The following FRK variants were observed in gnomAD, a reference collection of about 807,000 sequenced individuals.
FRK encodes tyrosine-protein kinase FRK.
A neutral mutation model predicts 56.4 loss-of-function variants in FRK; 51 were observed. The observed-to-expected ratio is 0.90, with a 90% CI of 0.72 to 1.14. The LOEUF (loss-of-function observed/expected upper bound fraction) is 1.14. FRK is among the 50% of genes most tolerant of loss of function. The pLI, the probability that FRK is intolerant of heterozygous loss-of-function variation, is 0.00. For synonymous variants in FRK, 245 were observed against 217.9 expected, an observed-to-expected ratio of 1.12 and a Z score of -1.10; for missense variants, 570 against 601.4, an observed-to-expected ratio of 0.95 and a Z score of 0.55.
intron 2 of FRK, among the ~76,000 whole-genome samples, chr6:115,969,845 A>G (rs1409223482): frequency 1.3e-5 from 2 of 152,198 alleles, no homozygotes; most frequent in Admixed American, 1.3e-4. Context: ...CTTTTCAGCT[A>G]CAAGAGTCAA....
chr6:115,937,013 A>G lies in FRK; in HGVS notation c.*5401T>C, dbSNP rs562343219. The G allele has an allele frequency of 1.3e-5, 2 of 152,274 alleles. No homozygotes were observed. Among genetic ancestry groups the G allele is most frequent in the African/African-American group, 4.8e-5 (2 of 41,572 alleles). 9.4% of individuals were successfully genotyped at this position (152,274 alleles called of 1,614,324 possible). A position where few individuals can be genotyped will look rare whatever the true frequency, so the allele number is the denominator to read the frequency against. On this transcript the variant is annotated 3_prime_UTR_variant, in exon 8 of 8. Coordinates refer to ENST00000606080, the MANE Select transcript of FRK (RefSeq NM_002031.3). ...ACTCCTCGAGCAGAGCAACCCCAAG[A>G]CATATAATCGTCATATTCACCAAGG...
chr6:116,020,529 A>T (rs1038298856), intron 1 of FRK, among the ~76,000 whole-genome samples: 2 of 152,154 alleles, frequency 1.3e-5, no homozygotes. Flanking sequence ...ACCTCAGGTG[A>T]TCCACCCACC....
rs1772026053 is a variant in FRK, at chr6:115,935,360, A to G, written c.*7054T>C. On this transcript the variant is annotated 3_prime_UTR_variant, in exon 8 of 8. Transcript: ENST00000606080. ...TGGTCTTTGAAACCTGCAGACCAGG[A>G]GATTCCCTCCGGTGCCTACGCCACT... 1 of 152,556 alleles carries G rather than the reference A, an allele frequency of 6.6e-6. No individual in the cohort carries two copies. Among genetic ancestry groups the G allele is most frequent in the African/African-American group, 2.4e-5 (1 of 41,484 alleles). The allele number at this position is 152,556 out of a possible 1,614,324, so 9.5% of individuals were successfully genotyped here.
At chr6:116,033,630 G>A (rs1776372494) in intron 1 of FRK, among the ~76,000 whole-genome samples, 1 of 152,122 alleles carries the variant, frequency 6.6e-6, no homozygotes, top group South Asian at 2.1e-4. Flanking sequence ...AAAGAAATGA[G>A]GAATTAAGTC....
intron 2 of FRK, among the ~76,000 whole-genome samples, chr6:115,984,645 G>A (rs1299917741): frequency 6.6e-6 from 1 of 151,342 alleles, no homozygotes; most frequent in Admixed American, 6.6e-5. Context: ...CATGAGTTTT[G>A]ATGTTTATTC....
At position 115,997,382 on chromosome 6, in the gene FRK, G is replaced by A. The variant is rs143370940; in HGVS notation, c.466+6495C>T. Among the ~76,000 whole-genome samples the A allele has an allele frequency of 2.9e-3, 442 of 151,856 alleles. 5 individuals are homozygous for A. Among genetic ancestry groups the A allele is most frequent in the East Asian group, 0.02 (104 of 5,154 alleles). On this transcript the variant is annotated intron_variant, in intron 2 of 7. Coordinates refer to ENST00000606080, the MANE Select transcript of FRK (RefSeq NM_002031.3). Reference sequence around the variant, plus strand: ...CATGGGAACTCCAAGTTCACTGTGAGGAAATTTTATCATAGAAAGTACTCT... The same window carrying A: ...CATGGGAACTCCAAGTTCACTGTGAAGAAATTTTATCATAGAAAGTACTCT...
At chr6:116,001,107 A>G (rs1487892051) in intron 2 of FRK, among the ~76,000 whole-genome samples, 6 of 152,082 alleles carry the variant, frequency 3.9e-5, no homozygotes, top group Non-Finnish European at 8.8e-5. Flanking sequence ...ATGTGGTGGC[A>G]CATGCCTGTA....
chr6:116,012,875 C>T (rs1775523773), intron 1 of FRK, among the ~76,000 whole-genome samples: 1 of 152,092 alleles, frequency 6.6e-6, no homozygotes, highest in African/African-American at 2.4e-5. Flanking sequence ...TCTCTCTTTT[C>T]CCCCAAAGAG....
chr6:116,050,715 T>C (rs1175658501), intron 1 of FRK, among the ~76,000 whole-genome samples: 1 of 152,210 alleles, frequency 6.6e-6, no homozygotes, highest in Non-Finnish European at 1.5e-5. Flanking sequence ...GTCTTATTAA[T>C]TTTCATATCT....
chr6:115,960,302 G>C (rs199894430), intron 4 of FRK, among the ~76,000 whole-genome samples: 23 of 150,578 alleles, frequency 1.5e-4, no homozygotes, highest in Non-Finnish European at 7.4e-5. Context: ...CTGGAAAATC[G>C]GGTCACTCCC....
chr6:116,053,689 C>A (rs986615078), intron 1 of FRK, among the ~76,000 whole-genome samples: 3 of 152,094 alleles, frequency 2.0e-5, no homozygotes, highest in African/African-American at 7.2e-5. Context: ...TTATTTCACT[C>A]ACATAAGATT....
At chr6:115,949,260 T>C (rs1226912839) in intron 5 of FRK, among the ~76,000 whole-genome samples, 1 of 80,778 alleles carries the variant, frequency 1.2e-5, no homozygotes, top group Non-Finnish European at 2.6e-5. Context: ...TCTCTTCCTA[T>C]TTGAATACCT....
At chr6:116,020,634 A>AT (rs1775842513) in intron 1 of FRK, among the ~76,000 whole-genome samples, 1 of 151,984 alleles carries the variant, frequency 6.6e-6, no homozygotes, top group Non-Finnish European at 1.5e-5. Context: ...ATTTTGTATC[A>AT]TTTTTCCTTA....
intron 1 of FRK, among the ~76,000 whole-genome samples, chr6:116,023,119 C>A (rs1163084001): frequency 6.6e-6 from 1 of 152,106 alleles, no homozygotes; most frequent in East Asian, 1.9e-4. Flanking sequence ...CAATTCATAA[C>A]AAATAGAATA....
chr6:116,008,443 A>G (rs1775336289), intron 1 of FRK, among the ~76,000 whole-genome samples: 1 of 152,226 alleles, frequency 6.6e-6, no homozygotes, highest in Non-Finnish European at 1.5e-5. Context: ...AGCTCTGATC[A>G]GGAAGTGAAG....
intron 1 of FRK, among the ~76,000 whole-genome samples, chr6:116,048,512 G>A (rs1195417936): frequency 6.6e-6 from 1 of 152,112 alleles, no homozygotes; most frequent in Non-Finnish European, 1.5e-5. Context: ...AGCCTCCTGA[G>A]TAGCTGGGAT....
At chr6:115,975,186 G>C (rs1219019984) in intron 2 of FRK, among the ~76,000 whole-genome samples, 1 of 152,048 alleles carries the variant, frequency 6.6e-6, no homozygotes, top group Non-Finnish European at 1.5e-5. Flanking sequence ...CACTACTAGA[G>C]AATAGTCATT....
At chr6:116,045,290 A>G (rs1186207919) in intron 1 of FRK, among the ~76,000 whole-genome samples, 3 of 152,220 alleles carry the variant, frequency 2.0e-5, no homozygotes, top group Non-Finnish European at 4.4e-5. Context: ...ATCCTAAGCA[A>G]AAAGAACAAA....
intron 2 of FRK, among the ~76,000 whole-genome samples, chr6:115,985,112 ATCT>A (rs1341692190): frequency 2.6e-5 from 4 of 152,140 alleles, no homozygotes; most frequent in Non-Finnish European, 5.9e-5. Flanking sequence ...CAATTAATTC[ATCT>A]TCTCTAAGCC....
Sources: gnomAD v4.1 joint callset for allele counts (sites outside exome capture counted in the v4.1 genomes callset) on GRCh38, gnomAD v4.1.1 for gene constraint, MANE v1.5 for transcripts, NCBI Gene and HGNC (gene_info 2026-07-23, HGNC 2026-07-21) for gene names.